Variants in ARHGAP26 observed in about 807,000 individuals in gnomAD.
ARHGAP26 encodes the protein Rho GTPase activating protein 26.
In ARHGAP26, 38 loss-of-function variants were observed where a neutral mutation model predicts 104.8. That is an observed-to-expected ratio of 0.36 (90% CI 0.28 to 0.48). The LOEUF (loss-of-function observed/expected upper bound fraction) is 0.48, where lower values mean the gene tolerates loss of function less well. Among genes scored for constraint, ARHGAP26 ranks in the 20% least tolerant of loss-of-function variants. The pLI, the probability that ARHGAP26 is intolerant of heterozygous loss-of-function variation, is 0.99. For synonymous variants in ARHGAP26, 341 were observed against 340.0 expected (o/e 1.00, Z -0.03); for missense variants, 704 against 947.9 (o/e 0.74, Z 3.38).
chr5:143,145,894 T>G (rs1157631020), intron 19 of ARHGAP26, among the ~76,000 whole-genome samples: 1 of 152,204 alleles, frequency 6.6e-6, no homozygotes, highest in Non-Finnish European at 1.5e-5. Flanking sequence ...AATCACTTTG[T>G]AAGCATACTT....
chr5:143,218,168 GAC>G (rs766191034), intron 22 of ARHGAP26, among the ~76,000 whole-genome samples: 4 of 152,232 alleles, frequency 2.6e-5, no homozygotes, highest in Non-Finnish European at 5.9e-5. Context: ...TAAGGAGAGA[GAC>G]ACTCTCACTA....
chr5:143,036,251 A>C (rs72801205), intron 12 of ARHGAP26, among the ~76,000 whole-genome samples: 4,337 of 152,272 alleles, frequency 0.028, 80 homozygotes, highest in Non-Finnish European at 0.041. Flanking sequence ...CCACTGTCCT[A>C]AGAAGGTCAA....
intron 11 of ARHGAP26, among the ~76,000 whole-genome samples, chr5:143,011,749 T>A (rs1419509658): frequency 6.6e-6 from 1 of 152,224 alleles, no homozygotes. Context: ...AAGATGCTGC[T>A]GAGGGAGAGT....
chr5:143,208,165 T>G (rs1808881711), intron 21 of ARHGAP26, among the ~76,000 whole-genome samples: 1 of 150,822 alleles, frequency 6.6e-6, no homozygotes, highest in Non-Finnish European at 1.5e-5. Flanking sequence ...CACTTAAGTT[T>G]TTTGCTCTTG....
chr5:142,963,224 G>A (rs964736790), intron 11 of ARHGAP26, among the ~76,000 whole-genome samples: 10 of 59,656 alleles, frequency 1.7e-4, no homozygotes, highest in South Asian at 1.2e-3. Flanking sequence ...GTGTGTGCGC[G>A]TGTGTGTGTG....
At position 142,770,861 on chromosome 5, in the gene ARHGAP26, A is replaced by G. The variant is rs1755052057; in HGVS notation, c.100A>G (p.Lys34Glu). The change falls in exon 1 of 23, where the codon AAA (lysine) becomes GAA (glutamate). Residue 34 changes from lysine (K) to glutamate (E), a missense_variant. Lys to Glu is a moderately conservative substitution (Grantham distance 56). Transcript: ENST00000645722. The part of the protein sequence containing the change: ...SHEAELDKTN[K>E]FIKELIKDGK... ...CGAAGCAGAGCTGGACAAGACCAAC[A>G]AATTCATCAAGGAGCTCATCAAGGA... 2 of 1,611,834 alleles carry G rather than the reference A, an allele frequency of 1.2e-6. No individual in the cohort carries two copies. The highest frequency in any genetic ancestry group is 1.7e-6 in the Non-Finnish European group (2 of 1,178,886).
intron 17 of ARHGAP26, among the ~76,000 whole-genome samples, chr5:143,096,304 A>C (rs561413397): frequency 6.6e-6 from 1 of 152,230 alleles, no homozygotes; most frequent in Non-Finnish European, 1.5e-5. Context: ...GGAAGTTGTC[A>C]TGCTCGTGGT....
At chr5:142,890,161 T>G (rs1279391963) in intron 5 of ARHGAP26, among the ~76,000 whole-genome samples, 2 of 57,090 alleles carry the variant, frequency 3.5e-5, no homozygotes, top group African/African-American at 1.7e-4. Flanking sequence ...AATATATATA[T>G]ATATATATAT....
At chr5:142,823,332 A>G (rs1766572270) in intron 1 of ARHGAP26, among the ~76,000 whole-genome samples, 1 of 152,160 alleles carries the variant, frequency 6.6e-6, no homozygotes, top group African/African-American at 2.4e-5. Context: ...TATGCAGATT[A>G]CAAATGTTGG....
At chr5:143,143,234 G>A (rs1238655271) in intron 19 of ARHGAP26, among the ~76,000 whole-genome samples, 1 of 152,112 alleles carries the variant, frequency 6.6e-6, no homozygotes, top group Non-Finnish European at 1.5e-5. Context: ...ACCTGTTCGG[G>A]CCTGCCAAGA....
chr5:142,875,160 CG>C lies in ARHGAP26; in HGVS notation c.303del (p.Ile102TyrfsTer3). 2 of 1,614,026 alleles carry C rather than the reference CG, an allele frequency of 1.2e-6. No individual in the cohort carries two copies. Among genetic ancestry groups the C allele is most frequent in the Non-Finnish European group, 1.7e-6 (2 of 1,179,992 alleles). On this transcript the variant is annotated frameshift_variant, in exon 3 of 23. Transcript: ENST00000645722. LOFTEE classifies it high-confidence loss of function. ...TGTCCTCAGGAATCTTGAAGATGAA[CG>C]GATACGGATGGTGAGTAGGGCTGGG... Reference protein sequence around the residue: ...ATVLRNLEDERIRMIENASEV... With the variant: ...ATVLRNLEDEXIRMIENASEV...
intron 20 of ARHGAP26, among the ~76,000 whole-genome samples, chr5:143,155,439 C>A (rs768626978): frequency 6.6e-6 from 1 of 152,308 alleles, no homozygotes; most frequent in Middle Eastern, 3.4e-3. Context: ...AGCTGGGCTT[C>A]CCTTGGTTGA....
intron 11 of ARHGAP26, among the ~76,000 whole-genome samples, chr5:142,995,377 C>G (rs1416443226): frequency 6.6e-6 from 1 of 152,146 alleles, no homozygotes; most frequent in Non-Finnish European, 1.5e-5. Flanking sequence ...CAAAAGAAGA[C>G]AAAATTTATG....
intron 11 of ARHGAP26, among the ~76,000 whole-genome samples, chr5:142,946,218 A>G (rs985880177): frequency 1.3e-5 from 2 of 152,196 alleles, no homozygotes; most frequent in African/African-American, 4.8e-5. Context: ...GCTTTTGAAC[A>G]TTGTATCTTC....
intron 17 of ARHGAP26, among the ~76,000 whole-genome samples, chr5:143,092,002 A>G (rs1791503918): frequency 1.3e-5 from 2 of 152,178 alleles, no homozygotes; most frequent in African/African-American, 4.8e-5. Context: ...TTGCACATAA[A>G]CTGTTTCTTC....
chr5:142,898,746 C>G (rs1456295869), intron 6 of ARHGAP26, among the ~76,000 whole-genome samples: 1 of 152,194 alleles, frequency 6.6e-6, no homozygotes, highest in Non-Finnish European at 1.5e-5. Flanking sequence ...ATCCTCTTGT[C>G]AAAGATGAGT....
intron 11 of ARHGAP26, among the ~76,000 whole-genome samples, chr5:142,934,669 C>G (rs528447906): frequency 5.3e-5 from 8 of 151,916 alleles, no homozygotes; most frequent in Admixed American, 4.6e-4. Flanking sequence ...GTGTTAGTGT[C>G]GTTGCCTTAT....
chr5:143,096,606 T>C (rs1792350376), intron 17 of ARHGAP26, among the ~76,000 whole-genome samples: 1 of 152,246 alleles, frequency 6.6e-6, no homozygotes, highest in Middle Eastern at 3.2e-3. Context: ...TCCTCCTTCG[T>C]TATTATATAA....
At chr5:143,009,582 CATCATT>C (rs2152806623) in intron 11 of ARHGAP26, among the ~76,000 whole-genome samples, 1 of 152,330 alleles carries the variant, frequency 6.6e-6, no homozygotes, top group Non-Finnish European at 1.5e-5. Flanking sequence ...TTGTCATCAT[CATCATT>C]ATTAATTTCT....
Sources: allele counts gnomAD v4.1 joint callset (sites outside exome capture counted in the v4.1 genomes callset), GRCh38; gene constraint gnomAD v4.1.1; transcripts MANE v1.5; gene names NCBI Gene and HGNC (gene_info 2026-07-23, HGNC 2026-07-21).